Variants in SCN2A observed in about 807,000 individuals in gnomAD.
The protein encoded by SCN2A is sodium voltage-gated channel alpha subunit 2.
SCN2A carries 20 observed loss-of-function variants against 188.7 expected under a neutral mutation model. That is an observed-to-expected ratio of 0.11 (90% CI 0.07 to 0.15). The LOEUF is 0.15. SCN2A is among the 10% of genes least tolerant of loss of function. SCN2A has a pLI of 1.00. For missense variants in SCN2A, 1,278 were observed against 2,445.0 expected (o/e 0.52, Z 10.07); for synonymous variants, 804 against 833.1 (o/e 0.97, Z 0.60).
Position 165,365,059 on chromosome 2 carries a change from TGG to T in SCN2A, c.3400-75_3400-74del, listed in dbSNP as rs3835933. 5.1e-3 allele frequency: 5,510 copies of T among 1,082,168 alleles called. 158 individuals carry two copies. In the African/African-American group the frequency reaches 0.07, roughly 14 times the overall value. The allele number at this position is 1,082,168 out of a possible 1,614,324, so 67.0% of individuals were successfully genotyped here. Reference sequence around the variant, plus strand: ...AGATCAAGAAAATGCATACAGAAGATGGGGGGGGGGCACACCTAATTAATTTT... The same window carrying T: ...AGATCAAGAAAATGCATACAGAAGATGGGGGGGGCACACCTAATTAATTTT... On this transcript the variant is annotated intron_variant, in intron 17 of 26. Transcript: ENST00000375437.
chr2:165,323,444 G>A lies in SCN2A; in HGVS notation c.1960G>A (p.Val654Ile). Reference protein sequence around the residue: ...MHSAVDCNGVVSLVGGPSTLT... With the variant: ...MHSAVDCNGVISLVGGPSTLT... ...TAGCGCTGTGGACTGCAATGGTGTG[G>A]TCTCCCTGGTCGGGGGCCCTTCTAC... Residue 654 changes from valine (V) to isoleucine (I), a missense_variant, in exon 12 of 27, where the codon GTC (valine) becomes ATC (isoleucine). Transcript: ENST00000375437. 6.2e-7 allele frequency: 1 copy of A among 1,613,944 alleles called. No homozygotes were observed. Among genetic ancestry groups the A allele is most frequent in the Non-Finnish European group, 8.5e-7 (1 of 1,179,860 alleles).
Position 165,370,122 on chromosome 2 carries a change from A to G in SCN2A, c.3676-4A>G, listed in dbSNP as rs752414570. 1 of 1,612,874 alleles carries G rather than the reference A, an allele frequency of 6.2e-7. No individual in the cohort carries two copies. Among genetic ancestry groups the G allele is most frequent in the African/African-American group, 1.3e-5 (1 of 74,916 alleles). On this transcript the variant is annotated splice_polypyrimidine_tract_variant and splice_region_variant and intron_variant, in intron 19 of 26. Coordinates refer to ENST00000375437, the MANE Select transcript of SCN2A (RefSeq NM_001040142.2). ...AAAATTTAATAGAATTTTTTGACTT[A>G]CAGGCCTTTGAAGATATATACATTG... is the stretch of plus-strand genomic sequence containing the variant.
rs1220470911 is a variant in SCN2A at position 165,291,436 on chromosome 2, CTCTTTCTTTCTTTCTT to C, written c.-51-4295_-51-4280del. 1.7e-3 allele frequency among the ~76,000 whole-genome samples: 114 copies of C among 65,436 alleles called. 2 individuals are homozygous for C. The East Asian group carries it at 0.046, about 26-fold the overall frequency. The allele number at this position is 65,436 out of a possible 152,430, so 42.9% of individuals were successfully genotyped here. A position where few individuals can be genotyped will look rare whatever the true frequency, so the allele number is the denominator to read the frequency against. The stretch of plus-strand genomic sequence containing the variant: ...CCTTCCTCCCTGTCTGTCTTTCTTT[CTCTTTCTTTCTTTCTT>C]TCTTTCTTTCTTTCTTTCTTTCTTT... On this transcript the variant is annotated intron_variant, in intron 1 of 26. Coordinates refer to ENST00000375437, the MANE Select transcript of SCN2A (RefSeq NM_001040142.2).
At chr2:165,375,476 A>G (rs1701261557) in intron 22 of SCN2A, among the ~76,000 whole-genome samples, 1 of 152,102 alleles carries the variant, frequency 6.6e-6, no homozygotes, top group Admixed American at 6.6e-5. Flanking sequence ...ATATATCTAT[A>G]CACATATATA....
chr2:165,316,957 G>A (rs1697786532), intron 11 of SCN2A, among the ~76,000 whole-genome samples: 1 of 152,076 alleles, frequency 6.6e-6, no homozygotes, highest in Non-Finnish European at 1.5e-5. Flanking sequence ...AAACCTTAAA[G>A]TTTCCACTTT....
In SCN2A at chr2:165,362,715, G is replaced by A. The variant is rs535749524; in HGVS notation, c.3400-2428G>A. Among the ~76,000 whole-genome samples the A allele has an allele frequency of 1.6e-4, 24 of 152,088 alleles. No homozygotes were observed. The East Asian group carries it at 4.1e-3, about 26-fold the overall frequency. On this transcript the variant is annotated intron_variant, in intron 17 of 26. Coordinates refer to ENST00000375437, the MANE Select transcript of SCN2A (RefSeq NM_001040142.2). ...GTATTATCCATAGGGCCTAGAGTAC[G>A]TGGCTTCTGCCCCCAAATGTCTTAC... is the stretch of plus-strand genomic sequence containing the variant.
In SCN2A at chr2:165,359,911, T is replaced by A. The variant is rs567424311; in HGVS notation, c.3400-5232T>A. ...TTTAAAATCCTATTATTTGTGGTTT[T>A]AAAAATGTTATAATGTATTCATTAT... is the stretch of plus-strand genomic sequence containing the variant. On this transcript the variant is annotated intron_variant, in intron 17 of 26. Coordinates refer to ENST00000375437, the MANE Select transcript of SCN2A (RefSeq NM_001040142.2). Among the ~76,000 whole-genome samples the A allele has an allele frequency of 3.0e-4, 46 of 152,136 alleles. No individual in the cohort carries two copies. The South Asian group carries it at 9.5e-3, about 32-fold the overall frequency.
intron 13 of SCN2A, among the ~76,000 whole-genome samples, chr2:165,329,366 GAC>G (rs1034844580): frequency 1.3e-5 from 2 of 152,176 alleles, no homozygotes; most frequent in African/African-American, 2.4e-5. Flanking sequence ...GCCAGCAAAA[GAC>G]ACAGATTTAC....
chr2:165,360,525 T>A (rs371719284), intron 17 of SCN2A, among the ~76,000 whole-genome samples: 2 of 151,966 alleles, frequency 1.3e-5, no homozygotes, highest in African/African-American at 4.8e-5. Flanking sequence ...GGAAGAGTCC[T>A]ATAATATTAG....
At chr2:165,352,014 G>C (rs1308535699) in intron 16 of SCN2A, among the ~76,000 whole-genome samples, 1 of 151,970 alleles carries the variant, frequency 6.6e-6, no homozygotes, top group Non-Finnish European at 1.5e-5. Context: ...GTCCAGTACA[G>C]AGGCAATATA....
rs143378773 is a variant in SCN2A, at chr2:165,284,110, G to A, written c.-51-11663G>A. 9.2e-5 allele frequency among the ~76,000 whole-genome samples: 14 copies of A among 151,846 alleles called. No homozygotes were observed. In the East Asian group the frequency reaches 2.7e-3, roughly 29 times the overall value. ...CTCTCTCTCTCATACACACAGGCATGCATACATACACTTTGGAATGTAGCT... is the reference window on the plus strand; with the variant it reads ...CTCTCTCTCTCATACACACAGGCATACATACATACACTTTGGAATGTAGCT... On this transcript the variant is annotated intron_variant, in intron 1 of 26. Coordinates refer to ENST00000375437, the MANE Select transcript of SCN2A (RefSeq NM_001040142.2).
intron 1 of SCN2A, among the ~76,000 whole-genome samples, chr2:165,257,245 C>A (rs971843932): frequency 6.6e-6 from 1 of 152,172 alleles, no homozygotes; most frequent in Non-Finnish European, 1.5e-5. Flanking sequence ...CCTGCTATTG[C>A]TGCAAAACTT....
intron 10 of SCN2A, among the ~76,000 whole-genome samples, chr2:165,314,807 G>T (rs3769938): frequency 0.81 from 123,917 of 152,128 alleles, 50,647 homozygotes; most frequent in Non-Finnish European, 0.84. Context: ...TTCATGTATG[G>T]TGAATACAAT....
At chr2:165,264,054 G>A (rs1041763697) in intron 1 of SCN2A, among the ~76,000 whole-genome samples, 1 of 151,988 alleles carries the variant, frequency 6.6e-6, no homozygotes, top group Non-Finnish European at 1.5e-5. Flanking sequence ...TAAGTGTTTA[G>A]TGTTTCCCAG....
intron 1 of SCN2A, among the ~76,000 whole-genome samples, chr2:165,295,156 A>G (rs1308062575): frequency 1.3e-5 from 2 of 152,072 alleles, no homozygotes; most frequent in African/African-American, 2.4e-5. Context: ...TCCAAACACA[A>G]CCAGGCATCT....
At chr2:165,348,645 T>A (rs976593655) in intron 16 of SCN2A, among the ~76,000 whole-genome samples, 1 of 152,152 alleles carries the variant, frequency 6.6e-6, no homozygotes, top group Admixed American at 6.5e-5. Context: ...ATTTGGGGAA[T>A]AAGTTAGCTG....
At chr2:165,367,186 T>C in intron 18 of SCN2A, 31 bp from the exon 19 acceptor site, 1 of 1,612,136 alleles carries the variant, frequency 6.2e-7, no homozygotes, top group Non-Finnish European at 8.5e-7. Context: ...AGAGTAATTT[T>C]TTGTCTTCAT....
chr2:165,349,115 A>C (rs1312397070), intron 16 of SCN2A, among the ~76,000 whole-genome samples: 2 of 152,248 alleles, frequency 1.3e-5, no homozygotes, highest in African/African-American at 4.8e-5. Context: ...GAAACAAAGA[A>C]AAGATAATAT....
At position 165,296,005 on chromosome 2, in the gene SCN2A, C is replaced by G. The variant is rs1696487215; in HGVS notation, c.182C>G (p.Ser61Cys). Reference sequence around the variant, plus strand: ...AACAGTGACTTGGAAGCAGGAAAATCTCTTCCATTTATTTATGGAGACATT... The same window carrying G: ...AACAGTGACTTGGAAGCAGGAAAATGTCTTCCATTTATTTATGGAGACATT... The part of the protein sequence containing the change: ...KPNSDLEAGK[S>C]LPFIYGDIPP... Residue 61 changes from serine (S) to cysteine (C), a missense_variant, in exon 2 of 27, where the codon TCT becomes TGT. Ser to Cys is a moderately radical substitution (Grantham distance 112, BLOSUM62 -1). This residue lies in a region of SCN2A where 141 missense variants were observed against 185.4 expected (regional missense o/e 0.76). Transcript: ENST00000375437. The G allele has an allele frequency of 6.2e-7, 1 of 1,614,068 alleles. No individual in the cohort carries two copies. Among genetic ancestry groups the G allele is most frequent in the African/African-American group, 1.3e-5 (1 of 74,932 alleles).
Sources: gnomAD v4.1 joint callset for allele counts (sites outside exome capture counted in the v4.1 genomes callset) on GRCh38, gnomAD v4.1.1 for gene constraint, gnomAD v4.1.1 regional missense constraint, MANE v1.5 for transcripts, NCBI Gene and HGNC (gene_info 2026-07-23, HGNC 2026-07-21) for gene names.